ENOX1: variants seen among roughly 807,000 people sequenced by gnomAD.
The protein encoded by ENOX1 is ecto-NOX disulfide-thiol exchanger 1, also known as candidate growth-related and time keeping constitutive hydroquinone (NADH) oxidase.
A neutral mutation model predicts 82.5 loss-of-function variants in ENOX1; 42 were observed. The ratio of observed to expected loss-of-function variants is 0.51; its 90% CI spans 0.40 to 0.66. The LOEUF (loss-of-function observed/expected upper bound fraction) is 0.66. ENOX1 is among the 30% of genes least tolerant of loss of function. The pLI is 0.00. For missense variants in ENOX1, 608 were observed against 811.6 expected (o/e 0.75, Z 3.05); for synonymous variants, 271 against 282.2 (o/e 0.96, Z 0.40).
intron 5 of ENOX1, among the ~76,000 whole-genome samples, chr13:43,393,434 T>G (rs2052925619): frequency 6.6e-6 from 1 of 152,204 alleles, no homozygotes; most frequent in South Asian, 2.1e-4. Context: ...CAATACATAT[T>G]TATTGAATAT....
In ENOX1 at chr13:43,284,590, C is replaced by G. The variant is rs573647009; in HGVS notation, c.1446+13756G>C. Among the ~76,000 whole-genome samples, 10 of 152,150 alleles carry G rather than the reference C, an allele frequency of 6.6e-5. No individual in the cohort carries two copies. In the South Asian group the frequency reaches 2.1e-3, roughly 32 times the overall value. On this transcript the variant is annotated intron_variant, in intron 12 of 16. Transcript: ENST00000690772. ...GGGTCAGCAGGATGAATTAAGAGAA[C>G]AAAAGGAAGAAGAAAATATGATAAT...
At chr13:43,257,801 G>A (rs1272052038) in intron 14 of ENOX1, among the ~76,000 whole-genome samples, 9 of 152,138 alleles carry the variant, frequency 5.9e-5, no homozygotes, top group Admixed American at 5.9e-4. Context: ...CTTTCTGGGG[G>A]AGGACATTCT....
At chr13:43,539,225 GCTTTAGTTTATTTTCC>G (rs1398736832) in intron 2 of ENOX1, among the ~76,000 whole-genome samples, 3 of 151,958 alleles carry the variant, frequency 2.0e-5, no homozygotes, top group Non-Finnish European at 4.4e-5. Flanking sequence ...TTCCTACTTT[GCTTTAGTTTATTTTCC>G]CTTTTTCTAA....
intron 2 of ENOX1, among the ~76,000 whole-genome samples, chr13:43,509,379 TG>T (rs2077285060): frequency 6.6e-6 from 1 of 152,068 alleles, no homozygotes; most frequent in Non-Finnish European, 1.5e-5. Context: ...TTATTCCCTC[TG>T]ATTTCCTATG....
chr13:43,247,856 TATATATATATA>T (rs1566329102), intron 14 of ENOX1, among the ~76,000 whole-genome samples: 162 of 4,328 alleles, frequency 0.037, 23 homozygotes, highest in Non-Finnish European at 0.064. Flanking sequence ...TATATATATA[TATATATATATA>T]TATATATATA....
chr13:43,281,776 G>A (rs1279847587), intron 12 of ENOX1, among the ~76,000 whole-genome samples: 1 of 152,164 alleles, frequency 6.6e-6, no homozygotes, highest in East Asian at 1.9e-4. Context: ...ATAACACCAA[G>A]GTTAGTGTTG....
chr13:43,473,983 T>G (rs963228267), intron 3 of ENOX1, among the ~76,000 whole-genome samples: 11 of 152,292 alleles, frequency 7.2e-5, no homozygotes, highest in African/African-American at 2.4e-4. Context: ...ACCTGTAATC[T>G]TAAAACATCC....
chr13:43,691,611 TC>T (rs1369409727), intron 1 of ENOX1, among the ~76,000 whole-genome samples: 1 of 151,648 alleles, frequency 6.6e-6, no homozygotes, highest in African/African-American at 2.4e-5. Context: ...AGTATGTACC[TC>T]CTCATTAATC....
At chr13:43,219,330 G>A (rs2041662180) in intron 16 of ENOX1, among the ~76,000 whole-genome samples, 1 of 152,192 alleles carries the variant, frequency 6.6e-6, no homozygotes, top group East Asian at 1.9e-4. Context: ...GTGTAGCACT[G>A]TGATATAGAT....
At chr13:43,449,353 A>G (rs2056831264) in intron 3 of ENOX1, among the ~76,000 whole-genome samples, 1 of 152,218 alleles carries the variant, frequency 6.6e-6, no homozygotes, top group Non-Finnish European at 1.5e-5. Flanking sequence ...TGCAGGCTAC[A>G]AGTCAAATTT....
intron 1 of ENOX1, among the ~76,000 whole-genome samples, chr13:43,694,362 T>C (rs976229225): frequency 1.3e-5 from 2 of 152,194 alleles, no homozygotes; most frequent in Non-Finnish European, 2.9e-5. Context: ...TCAGCTCTTA[T>C]GAAAAATAAT....
intron 11 of ENOX1, among the ~76,000 whole-genome samples, chr13:43,310,249 G>A (rs934547531): frequency 6.8e-6 from 1 of 148,072 alleles, no homozygotes; most frequent in African/African-American, 2.5e-5. Context: ...TGAGGTGCCA[G>A]TTAAGCACTA....
intron 1 of ENOX1, among the ~76,000 whole-genome samples, chr13:43,756,981 A>C (rs1279925679): frequency 9.7e-5 from 13 of 134,110 alleles, no homozygotes; most frequent in African/African-American, 2.8e-4. Flanking sequence ...ACAAAAAAAA[A>C]AAAAAAAAAA....
intron 5 of ENOX1, among the ~76,000 whole-genome samples, chr13:43,406,249 G>A (rs762497985): frequency 9.9e-5 from 15 of 152,178 alleles, no homozygotes; most frequent in Non-Finnish European, 2.1e-4. Flanking sequence ...AGGGGACGGA[G>A]AAGGACTTGC....
chr13:43,229,408 C>T (rs2042175242), intron 15 of ENOX1, among the ~76,000 whole-genome samples: 1 of 152,082 alleles, frequency 6.6e-6, no homozygotes, highest in African/African-American at 2.4e-5. Context: ...AGGTACAGGC[C>T]ACATACAGTG....
At chr13:43,584,886 G>A (rs1283583934) in intron 2 of ENOX1, among the ~76,000 whole-genome samples, 1 of 152,160 alleles carries the variant, frequency 6.6e-6, no homozygotes, top group Non-Finnish European at 1.5e-5. Context: ...CAGGCAAGAA[G>A]GAGATACCCA....
chr13:43,707,121 G>A, intron 1 of ENOX1, among the ~76,000 whole-genome samples: 1 of 152,148 alleles, frequency 6.6e-6, no homozygotes, highest in East Asian at 1.9e-4. Context: ...TATACCGGCA[G>A]TGAATAACTG....
chr13:43,408,697 A>G (rs947527685), intron 5 of ENOX1, among the ~76,000 whole-genome samples: 1 of 152,242 alleles, frequency 6.6e-6, no homozygotes, highest in African/African-American at 2.4e-5. Flanking sequence ...CATACCATAG[A>G]ACCATAAGAA....
rs1332163150 is a variant in ENOX1 at position 43,303,542 on chromosome 13, G to C, written c.1262-5012C>G. Among the ~76,000 whole-genome samples the C allele has an allele frequency of 2.0e-5, 3 of 152,270 alleles. No homozygotes were observed. In the East Asian group the frequency reaches 5.8e-4, roughly 29 times the overall value. ...ATCAATGGAGTGTGAGGGGGAGTGA[G>C]GATGCCTTCTGCACAGTCCCTCAGT... is the stretch of plus-strand genomic sequence containing the variant. On this transcript the variant is annotated intron_variant, in intron 11 of 16. Transcript: ENST00000690772.
Sources: allele counts gnomAD v4.1 joint callset (sites outside exome capture counted in the v4.1 genomes callset), GRCh38; gene constraint gnomAD v4.1.1; transcripts MANE v1.5; gene names NCBI Gene and HGNC (gene_info 2026-07-23, HGNC 2026-07-21).